SSH2: variants seen among roughly 807,000 people sequenced by gnomAD.
The protein encoded by SSH2 is protein phosphatase Slingshot homolog 2.
Under a neutral mutation model 135.2 loss-of-function variants are expected in SSH2, and 37 were observed. The ratio of observed to expected loss-of-function variants is 0.27; its 90% CI spans 0.21 to 0.36. The LOEUF (loss-of-function observed/expected upper bound fraction) is 0.36. SSH2 is among the 10% of genes least tolerant of loss of function. The pLI is 1.00. For synonymous variants in SSH2, 628 were observed against 646.2 expected, an observed-to-expected ratio of 0.97 and a Z score of 0.43; for missense variants, 1,408 against 1,765.3, an observed-to-expected ratio of 0.80 and a Z score of 3.63.
At chr17:29,691,463 G>T (rs2038468612) in intron 5 of SSH2, among the ~76,000 whole-genome samples, 1 of 150,574 alleles carries the variant, frequency 6.6e-6, no homozygotes, top group East Asian at 2.0e-4. Flanking sequence ...AGCTTCCCTG[G>T]AGGAAAAGAT....
chr17:29,692,286 A>C (rs780629251), intron 5 of SSH2, among the ~76,000 whole-genome samples: 12 of 152,172 alleles, frequency 7.9e-5, no homozygotes, highest in Admixed American at 2.0e-4. Flanking sequence ...GAGTCTACAA[A>C]TGCTCCTTTC....
intron 3 of SSH2, among the ~76,000 whole-genome samples, chr17:29,761,653 G>A (rs915282362): frequency 1.3e-5 from 2 of 152,162 alleles, no homozygotes; most frequent in African/African-American, 4.8e-5. Flanking sequence ...AGAAAGGCTT[G>A]CATTTCTCTA....
chr17:29,695,784 C>T (rs2038701103), intron 4 of SSH2, among the ~76,000 whole-genome samples: 1 of 152,072 alleles, frequency 6.6e-6, no homozygotes, highest in African/African-American at 2.4e-5. Context: ...AGACCAGTCT[C>T]AGTTTTGTAT....
chr17:29,634,699 C>T (rs770675877), intron 15 of SSH2, among the ~76,000 whole-genome samples: 19 of 151,864 alleles, frequency 1.3e-4, no homozygotes, highest in Admixed American at 7.2e-4. Context: ...ACTACAGGTG[C>T]GCGCCACCAC....
intron 1 of SSH2, among the ~76,000 whole-genome samples, chr17:29,914,637 T>G (rs1354177001): frequency 6.6e-6 from 1 of 151,604 alleles, no homozygotes; most frequent in East Asian, 1.9e-4. Flanking sequence ...ATAATTTAAA[T>G]GAAGAGCCAA....
intron 2 of SSH2, among the ~76,000 whole-genome samples, chr17:29,836,327 T>A (rs1271726455): frequency 6.6e-6 from 1 of 152,220 alleles, no homozygotes; most frequent in Admixed American, 6.5e-5. Context: ...GAATTTTTCA[T>A]AACATTATCA....
At chr17:29,761,105 A>G (rs564771612) in intron 3 of SSH2, 1 of 1,286,238 alleles carries the variant, frequency 7.8e-7, no homozygotes, top group South Asian at 1.2e-5. Flanking sequence ...GAAAGAGCAA[A>G]CTTTCTGAGC....
chr17:29,812,376 C>T (rs1373167770), intron 2 of SSH2, among the ~76,000 whole-genome samples: 2 of 152,042 alleles, frequency 1.3e-5, no homozygotes, highest in East Asian at 3.9e-4. Context: ...CTCTGCCTCC[C>T]AGACTCACGT....
intron 9 of SSH2, among the ~76,000 whole-genome samples, chr17:29,670,698 C>G (rs147242185): frequency 6.6e-6 from 1 of 152,104 alleles, no homozygotes; most frequent in Non-Finnish European, 1.5e-5. Context: ...TGCTTGAACC[C>G]GGGAGGCAGA....
intron 2 of SSH2, among the ~76,000 whole-genome samples, chr17:29,813,269 G>C (rs774152692): frequency 1.3e-5 from 2 of 152,032 alleles, no homozygotes; most frequent in Non-Finnish European, 2.9e-5. Flanking sequence ...TGTAATCCCA[G>C]CTACTTGGGA....
intron 3 of SSH2, chr17:29,761,211 G>C (rs763769433): frequency 4.7e-6 from 6 of 1,288,696 alleles, no homozygotes; most frequent in Non-Finnish European, 6.1e-6. Flanking sequence ...ATCATGTCGG[G>C]GCCACCGAGG....
At chr17:29,811,571 G>T (rs2042442236) in intron 2 of SSH2, among the ~76,000 whole-genome samples, 1 of 149,298 alleles carries the variant, frequency 6.7e-6, no homozygotes, top group African/African-American at 2.5e-5. Flanking sequence ...TGAACCACAA[G>T]TTTTTTTTTT....
At chr17:29,868,404 G>C (rs1171924663) in intron 1 of SSH2, among the ~76,000 whole-genome samples, 1 of 152,088 alleles carries the variant, frequency 6.6e-6, no homozygotes, top group Non-Finnish European at 1.5e-5. Flanking sequence ...AGCGCCTTGG[G>C]GGAACCCTCA....
chr17:29,695,668 A>G (rs766624354), intron 4 of SSH2, 145 bp from the exon 5 acceptor site: 40 of 662,910 alleles, frequency 6.0e-5, no homozygotes, highest in Non-Finnish European at 5.1e-5. Flanking sequence ...ATGATTATTA[A>G]CTTCTTTTAA....
chr17:29,913,338 A>ATT (rs2066802192), intron 1 of SSH2, among the ~76,000 whole-genome samples: 1 of 56,686 alleles, frequency 1.8e-5, no homozygotes, highest in Non-Finnish European at 3.7e-5. Context: ...AAAAAAAAAA[A>ATT]AAAAAAAAAA....
chr17:29,681,574 A>C (rs2037992492), intron 6 of SSH2, among the ~76,000 whole-genome samples: 1 of 151,758 alleles, frequency 6.6e-6, no homozygotes, highest in Non-Finnish European at 1.5e-5. Context: ...TGGAAAAAAA[A>C]AACCCCAAAA....
chr17:29,677,058 C>A (rs1037231382), intron 7 of SSH2, among the ~76,000 whole-genome samples, 173 bp from the exon 8 acceptor site: 1 of 152,204 alleles, frequency 6.6e-6, no homozygotes, highest in Non-Finnish European at 1.5e-5. Context: ...AAAGCTTTGA[C>A]AAATTGTCTG....
At chr17:29,692,032 C>T (rs1230307286) in intron 5 of SSH2, among the ~76,000 whole-genome samples, 1 of 151,066 alleles carries the variant, frequency 6.6e-6, no homozygotes, top group Admixed American at 6.6e-5. Flanking sequence ...CCCAGCTAGT[C>T]GGGGGGCTGA....
In SSH2 at chr17:29,677,669, TTA is replaced by T; in HGVS notation, c.548+2_548+3del. 6.2e-7 allele frequency: 1 copy of T among 1,613,102 alleles called. No individual in the cohort carries two copies. The highest frequency in any genetic ancestry group is 8.5e-7 in the Non-Finnish European group (1 of 1,179,078). On this transcript the variant is annotated splice_donor_variant and splice_donor_region_variant and intron_variant, in intron 7 of 15. Coordinates refer to ENST00000540801, the MANE Select transcript of SSH2 (RefSeq NM_001282129.2). LOFTEE classifies it high-confidence loss of function. ...GTAACAGAATAAAAAAGGAAATCTCTTACCCATCACCATCCAAATGAATTAGC... is the reference window on the plus strand; with the variant it reads ...GTAACAGAATAAAAAAGGAAATCTCTCCCATCACCATCCAAATGAATTAGC...
Sources: allele counts gnomAD v4.1 joint callset (sites outside exome capture counted in the v4.1 genomes callset), GRCh38; gene constraint gnomAD v4.1.1; transcripts MANE v1.5; gene names NCBI Gene and HGNC (gene_info 2026-07-23, HGNC 2026-07-21).